Variants in TENM2 observed in about 807,000 individuals in gnomAD.
TENM2 encodes teneurin-2.
Under a neutral mutation model 245.2 loss-of-function variants are expected in TENM2, and 52 were observed. The ratio of observed to expected loss-of-function variants is 0.21; its 90% CI spans 0.17 to 0.27. The LOEUF is 0.27. Among genes scored for constraint, TENM2 ranks in the 10% least tolerant of loss-of-function variants. TENM2 has a pLI of 1.00. For synonymous variants in TENM2, 1,363 were observed against 1,438.9 expected (o/e 0.95, Z 1.19); for missense variants, 3,046 against 3,666.8 (o/e 0.83, Z 4.37).
chr5:167,193,506 T>G, the TENM2 span, among the ~76,000 whole-genome samples: 16 of 140,100 alleles, frequency 1.1e-4, no homozygotes, highest in African/African-American at 2.6e-4. Flanking sequence ...AAGGGCAGGG[T>G]GGGGTGGGGA....
chr5:167,847,514 C>T (rs1295652547), intron 2 of TENM2, among the ~76,000 whole-genome samples: 1 of 152,228 alleles, frequency 6.6e-6, no homozygotes, highest in Non-Finnish European at 1.5e-5. Context: ...CAGGACTGGA[C>T]TGCATAGCCT....
At chr5:167,787,857 G>A (rs1764689817) in intron 2 of TENM2, among the ~76,000 whole-genome samples, 1 of 152,232 alleles carries the variant, frequency 6.6e-6, no homozygotes, top group South Asian at 2.1e-4. Flanking sequence ...GAAGGTGGTA[G>A]ATGAGAGTTC....
the TENM2 span, among the ~76,000 whole-genome samples, chr5:167,248,772 A>G: frequency 6.1e-5 from 8 of 131,668 alleles, no homozygotes; most frequent in South Asian, 2.8e-4. Flanking sequence ...CAAAAGCCAT[A>G]TATATGTGTG....
At chr5:167,860,795 G>T (rs1771718783) in intron 2 of TENM2, among the ~76,000 whole-genome samples, 1 of 77,228 alleles carries the variant, frequency 1.3e-5, no homozygotes, top group Non-Finnish European at 2.5e-5. Context: ...GGGTTAAATG[G>T]ATTAAGGGCG....
chr5:168,190,550 A>G lies in TENM2; in HGVS notation c.2780+3A>G, dbSNP rs746986426. The G allele has an allele frequency of 3.7e-6, 6 of 1,611,746 alleles. No homozygotes were observed. The highest frequency in any genetic ancestry group is 2.2e-5 in the East Asian group (1 of 44,874). ...GGAGAGAACCCTTTCAACAGCAGGTAGGCACCCTCTGTCCCTGCAAACTCC... is the reference window on the plus strand; with the variant it reads ...GGAGAGAACCCTTTCAACAGCAGGTGGGCACCCTCTGTCCCTGCAAACTCC... On this transcript the variant is annotated splice_donor_region_variant and intron_variant, in intron 14 of 28. Coordinates refer to ENST00000518659, the Ensembl canonical transcript of TENM2.
chr5:167,197,419 T>C, the TENM2 span, among the ~76,000 whole-genome samples: 10 of 152,060 alleles, frequency 6.6e-5, no homozygotes, highest in East Asian at 7.7e-4. Context: ...CAACATTTGT[T>C]AAAGGAATGG....
the TENM2 span, among the ~76,000 whole-genome samples, chr5:167,110,129 G>A: frequency 6.6e-6 from 1 of 152,216 alleles, no homozygotes; most frequent in African/African-American, 2.4e-5. Context: ...GCTCCCAACA[G>A]AGAAATGGTC....
intron 1 of TENM2, among the ~76,000 whole-genome samples, chr5:167,363,931 A>G (rs150911928): frequency 6.6e-6 from 1 of 152,232 alleles, no homozygotes; most frequent in African/African-American, 2.4e-5. Context: ...TTTATAAATG[A>G]AATGCAAATT....
Position 168,057,010 on chromosome 5 carries a change from T to C in TENM2, c.1310-5050T>C, listed in dbSNP as rs191956183. 8.5e-5 allele frequency among the ~76,000 whole-genome samples: 13 copies of C among 152,184 alleles called. No individual in the cohort carries two copies. In the East Asian group the frequency reaches 1.9e-3, roughly 23 times the overall value. ...GCCTAAGAGTACATTTCTCAGAATGTATCCCTGTTGTTAAGTGACTCATGA... is the reference window on the plus strand; with the variant it reads ...GCCTAAGAGTACATTTCTCAGAATGCATCCCTGTTGTTAAGTGACTCATGA... On this transcript the variant is annotated intron_variant, in intron 6 of 28. Coordinates refer to ENST00000518659, the Ensembl canonical transcript of TENM2.
At chr5:167,331,832 A>C (rs1267637242) in intron 1 of TENM2, among the ~76,000 whole-genome samples, 1 of 152,192 alleles carries the variant, frequency 6.6e-6, no homozygotes, top group East Asian at 1.9e-4. Flanking sequence ...GGTGTGGAAA[A>C]CAACTCTGAG....
intron 3 of TENM2, among the ~76,000 whole-genome samples, chr5:167,912,420 T>TAG (rs1398562302): frequency 6.6e-6 from 1 of 152,252 alleles, no homozygotes; most frequent in Non-Finnish European, 1.5e-5. Context: ...TTCTCTTGAA[T>TAG]AGAGTTCTTT....
chr5:167,817,642 T>G (rs1431981333), intron 2 of TENM2, among the ~76,000 whole-genome samples: 3 of 152,066 alleles, frequency 2.0e-5, no homozygotes, highest in South Asian at 2.1e-4. Context: ...GCAATCACTA[T>G]CTGAAAAAAA....
At chr5:167,355,910 C>A (rs905739664) in intron 1 of TENM2, among the ~76,000 whole-genome samples, 4 of 146,308 alleles carry the variant, frequency 2.7e-5, no homozygotes, top group African/African-American at 7.6e-5. Flanking sequence ...TGGCTGGGTG[C>A]CGTGGCTCAC....
chr5:167,870,043 G>A (rs549270419), intron 2 of TENM2, among the ~76,000 whole-genome samples: 2 of 152,300 alleles, frequency 1.3e-5, no homozygotes, highest in South Asian at 2.1e-4. Flanking sequence ...AACATCATTA[G>A]GACAACTGTT....
At chr5:168,259,710 C>T (rs980353852) in intron 27 of TENM2, among the ~76,000 whole-genome samples, 1 of 152,204 alleles carries the variant, frequency 6.6e-6, no homozygotes, top group Admixed American at 6.5e-5. Flanking sequence ...GCAGTGGCCC[C>T]AGTCCAAAAG....
chr5:167,938,830 C>T (rs778744625), intron 3 of TENM2, among the ~76,000 whole-genome samples: 6 of 151,826 alleles, frequency 4.0e-5, no homozygotes, highest in Non-Finnish European at 7.4e-5. Context: ...GCAGTCCCAG[C>T]TACTTGGGAG....
chr5:167,862,123 G>C (rs752488626), intron 2 of TENM2, among the ~76,000 whole-genome samples: 1 of 152,174 alleles, frequency 6.6e-6, no homozygotes, highest in Non-Finnish European at 1.5e-5. Context: ...AGGATGCACT[G>C]CAGGTCTTCA....
chr5:168,256,327 T>C (rs748286598), intron 27 of TENM2, among the ~76,000 whole-genome samples: 5 of 151,964 alleles, frequency 3.3e-5, no homozygotes, highest in Non-Finnish European at 7.4e-5. Flanking sequence ...ACCTGGTACA[T>C]AGTAGATGCT....
intron 12 of TENM2, among the ~76,000 whole-genome samples, chr5:168,136,160 C>T (rs1024532369): frequency 2.6e-5 from 4 of 152,136 alleles, no homozygotes; most frequent in Non-Finnish European, 5.9e-5. Context: ...CAAGATAGAA[C>T]GGACACGTAC....
Sources: gnomAD v4.1 joint callset for allele counts (sites outside exome capture counted in the v4.1 genomes callset) on GRCh38, gnomAD v4.1.1 for gene constraint, MANE v1.5 for transcripts, NCBI Gene and HGNC (gene_info 2026-07-23, HGNC 2026-07-21) for gene names.